Variants in DACH2 observed in about 807,000 individuals in gnomAD.
The protein encoded by DACH2 is dachshund family transcription factor 2, also known as dachshund homolog 2.
DACH2 carries 17 observed loss-of-function variants against 35.8 expected under a neutral mutation model. The ratio of observed to expected loss-of-function variants is 0.48; its 90% CI spans 0.33 to 0.71. DACH2 has a LOEUF of 0.71. Ranked by LOEUF, DACH2 falls within the 30% of genes least tolerant of loss-of-function variation. DACH2 has a pLI of 0.02. For synonymous variants in DACH2, 195 were observed against 177.3 expected, an observed-to-expected ratio of 1.10 and a Z score of -0.79; for missense variants, 469 against 472.7, an observed-to-expected ratio of 0.99 and a Z score of 0.07.
chrX:86,464,251 C>T (rs1378279242), intron 2 of DACH2, among the ~76,000 whole-genome samples: 1 of 111,365 alleles, frequency 9.0e-6, no homozygotes, highest in African/African-American at 3.3e-5. Flanking sequence ...TTCACAATAG[C>T]AAAGACTTGG....
chrX:86,393,375 G>A (rs1046914552), intron 2 of DACH2, among the ~76,000 whole-genome samples: 3 of 111,925 alleles, frequency 2.7e-5, no homozygotes, highest in Admixed American at 9.6e-5. Flanking sequence ...ATCCATCATT[G>A]TATTCCCATT....
chrX:86,573,422 C>T (rs974082793), intron 3 of DACH2, among the ~76,000 whole-genome samples: 2 of 111,405 alleles, frequency 1.8e-5, no homozygotes, highest in Non-Finnish European at 3.8e-5. Flanking sequence ...CTCTCCCATG[C>T]ATTAGGAAGA....
At chrX:86,298,787 G>A (rs1475689806) in intron 1 of DACH2, among the ~76,000 whole-genome samples, 1 of 111,713 alleles carries the variant, frequency 9.0e-6, no homozygotes, top group Non-Finnish European at 1.9e-5. Flanking sequence ...TAAAATGATG[G>A]CAAAAATTAT....
At chrX:86,717,147 A>G (rs1346773460) in intron 6 of DACH2, among the ~76,000 whole-genome samples, 1 of 111,986 alleles carries the variant, frequency 8.9e-6, no homozygotes, top group African/African-American at 3.2e-5. Context: ...CATAGATTGC[A>G]TGGTGGTGGA....
chrX:86,166,416 A>G (rs1237239427), intron 1 of DACH2, among the ~76,000 whole-genome samples: 10 of 111,716 alleles, frequency 9.0e-5, no homozygotes, highest in African/African-American at 1.6e-4. Flanking sequence ...TTGATTTTGT[A>G]TTCTGTAACT....
intron 3 of DACH2, among the ~76,000 whole-genome samples, chrX:86,607,910 C>T (rs1280139366): frequency 9.4e-6 from 1 of 106,874 alleles, no homozygotes; most frequent in Non-Finnish European, 1.9e-5. Flanking sequence ...CATGTCCCTA[C>T]AAAGGACGTG....
At chrX:86,788,897 T>C (rs2042162745) in intron 7 of DACH2, among the ~76,000 whole-genome samples, 1 of 111,693 alleles carries the variant, frequency 9.0e-6, no homozygotes, top group African/African-American at 3.3e-5. Flanking sequence ...TATTTGTTTG[T>C]TTTAAATAGG....
intron 7 of DACH2, among the ~76,000 whole-genome samples, chrX:86,789,104 T>C (rs2042164701): frequency 8.9e-6 from 1 of 112,218 alleles, no homozygotes; most frequent in South Asian, 3.7e-4. Context: ...TTACTATGAA[T>C]GTAAAAATTG....
At chrX:86,495,811 AAAAG>A (rs1201387173) in intron 2 of DACH2, among the ~76,000 whole-genome samples, 3 of 110,562 alleles carry the variant, frequency 2.7e-5, no homozygotes, top group East Asian at 2.8e-4. Context: ...GGAAAAAAAA[AAAAG>A]AAAGAAAATA....
At chrX:86,311,056 C>T (rs1244669540) in intron 1 of DACH2, among the ~76,000 whole-genome samples, 1 of 111,824 alleles carries the variant, frequency 8.9e-6, no homozygotes, top group Non-Finnish European at 1.9e-5. Flanking sequence ...CAGAGATCAA[C>T]ACCAAGCCCT....
chrX:86,640,493 T>C (rs1393279241), intron 3 of DACH2, among the ~76,000 whole-genome samples: 1 of 111,178 alleles, frequency 9.0e-6, no homozygotes, highest in Non-Finnish European at 1.9e-5. Flanking sequence ...ATGGAGTGAT[T>C]GCTTACACCT....
intron 7 of DACH2, among the ~76,000 whole-genome samples, chrX:86,745,342 C>T (rs748173965): frequency 3.6e-5 from 4 of 111,202 alleles, no homozygotes; most frequent in Non-Finnish European, 5.7e-5. Context: ...TTGGGTTTGG[C>T]GTACAGATTA....
chrX:86,518,014 G>A (rs1048747989), intron 3 of DACH2, among the ~76,000 whole-genome samples: 1 of 111,587 alleles, frequency 9.0e-6, no homozygotes, highest in Middle Eastern at 4.7e-3. Flanking sequence ...GTCTTCAAGG[G>A]ATTTTATAAT....
At chrX:86,654,517 G>C (rs778800849) in intron 4 of DACH2, among the ~76,000 whole-genome samples, 1 of 111,187 alleles carries the variant, frequency 9.0e-6, no homozygotes, top group Non-Finnish European at 1.9e-5. Context: ...AGTGCTGACA[G>C]TGACTTTTTT....
At chrX:86,204,852 C>A (rs967894407) in intron 1 of DACH2, among the ~76,000 whole-genome samples, 1 of 111,712 alleles carries the variant, frequency 9.0e-6, no homozygotes, top group Non-Finnish European at 1.9e-5. Flanking sequence ...TGAGCTAAAG[C>A]AAGGCACATC....
At chrX:86,531,368 A>G (rs977078632) in intron 3 of DACH2, among the ~76,000 whole-genome samples, 3 of 111,369 alleles carry the variant, frequency 2.7e-5, no homozygotes, top group Non-Finnish European at 5.7e-5. Context: ...ACCTGGAGGC[A>G]TAGGAGGGAA....
chrX:86,758,233 TCTC>T (rs1341020652), intron 7 of DACH2, among the ~76,000 whole-genome samples: 1 of 111,885 alleles, frequency 8.9e-6, no homozygotes, highest in Non-Finnish European at 1.9e-5. Flanking sequence ...TTGGTTTAGT[TCTC>T]CTCTGTTCTT....
In DACH2 at chrX:86,589,895, C is replaced by G. The variant is rs180854161; in HGVS notation, c.641-61141C>G. Reference sequence around the variant, plus strand: ...TTCTTTTCATTGTTGAATAACATTCCATTTATTGGTTTTACCGCAGTATGT... The same window carrying G: ...TTCTTTTCATTGTTGAATAACATTCGATTTATTGGTTTTACCGCAGTATGT... On this transcript the variant is annotated intron_variant, in intron 3 of 11. Coordinates refer to ENST00000373125, the MANE Select transcript of DACH2 (RefSeq NM_053281.3). Among the ~76,000 whole-genome samples, 506 of 111,967 alleles carry G rather than the reference C, an allele frequency of 4.5e-3. 5 individuals carry two copies. Among genetic ancestry groups the G allele is most frequent in the African/African-American group, 0.016 (484 of 30,886 alleles).
At chrX:86,705,559 C>T (rs1216999838) in intron 5 of DACH2, among the ~76,000 whole-genome samples, 1 of 110,931 alleles carries the variant, frequency 9.0e-6, no homozygotes, top group Non-Finnish European at 1.9e-5. Context: ...TTACCCCAGC[C>T]AGAATGGATA....
Sources: gnomAD v4.1 joint callset for allele counts (sites outside exome capture counted in the v4.1 genomes callset) on GRCh38, gnomAD v4.1.1 for gene constraint, MANE v1.5 for transcripts, NCBI Gene and HGNC (gene_info 2026-07-23, HGNC 2026-07-21) for gene names.